Variants in UNC79 observed in about 807,000 individuals in gnomAD.
UNC79 encodes the protein protein unc-79 homolog.
Under a neutral mutation model 283.1 loss-of-function variants are expected in UNC79, and 37 were observed. That is an observed-to-expected ratio of 0.13 (90% CI 0.10 to 0.17). The LOEUF is 0.17. Among genes scored for constraint, UNC79 ranks in the 10% least tolerant of loss-of-function variants. UNC79 has a pLI of 1.00. For missense variants in UNC79, 2,272 were observed against 3,211.1 expected, an observed-to-expected ratio of 0.71 and a Z score of 7.07; for synonymous variants, 1,107 against 1,200.2, an observed-to-expected ratio of 0.92 and a Z score of 1.61.
intron 1 of UNC79, among the ~76,000 whole-genome samples, chr14:93,450,525 CT>C (rs770818516): frequency 1.8e-4 from 27 of 152,020 alleles, no homozygotes; most frequent in Non-Finnish European, 3.4e-4. Context: ...CTAAATACGC[CT>C]TTATTTTTGA....
At position 93,452,449 on chromosome 14, in the gene UNC79, C is replaced by T. The variant is rs112275834; in HGVS notation, c.23-15222C>T. Among the ~76,000 whole-genome samples the T allele has an allele frequency of 9.2e-3, 1,327 of 144,296 alleles. 18 individuals are homozygous for T. Among genetic ancestry groups the T allele is most frequent in the African/African-American group, 0.029 (1,092 of 37,674 alleles). 94.7% of individuals were successfully genotyped at this position (144,296 alleles called of 152,430 possible). A position where few individuals can be genotyped will look rare whatever the true frequency, so the allele number is the denominator to read the frequency against. ...AGGCTGGAGGGCTGGAGTGCAATGG[C>T]GCGATCTCGGCTCACAGCAACCTCC... On this transcript the variant is annotated intron_variant, in intron 1 of 48. Transcript: ENST00000555664.
chr14:93,446,778 A>G (rs771963623), intron 1 of UNC79, among the ~76,000 whole-genome samples: 19 of 152,208 alleles, frequency 1.2e-4, no homozygotes, highest in Non-Finnish European at 2.5e-4. Flanking sequence ...TATTTTTGTT[A>G]GAGAATATAT....
intron 12 of UNC79, among the ~76,000 whole-genome samples, chr14:93,539,896 C>T (rs1171889693): frequency 6.6e-6 from 1 of 152,210 alleles, no homozygotes; most frequent in Non-Finnish European, 1.5e-5. Context: ...CTAGCTATAA[C>T]TTACTTTTCT....
intron 1 of UNC79, among the ~76,000 whole-genome samples, chr14:93,398,726 A>G (rs972398244): frequency 2.6e-5 from 4 of 152,212 alleles, no homozygotes; most frequent in Admixed American, 6.5e-5. Flanking sequence ...GAAGGGTTTT[A>G]GAGAAGAAGA....
chr14:93,371,238 A>G (rs1044176664), intron 1 of UNC79, among the ~76,000 whole-genome samples: 9 of 151,660 alleles, frequency 5.9e-5, no homozygotes, highest in African/African-American at 2.2e-4. Flanking sequence ...AAATACCAAA[A>G]TTAGCTGGCA....
At position 93,424,996 on chromosome 14, in the gene UNC79, C is replaced by T. The variant is rs559743354; in HGVS notation, c.-350-42675C>T. Reference sequence around the variant, plus strand: ...ATAAATATATACACTTACTATGTATCTTCAAAAATTAAAAATTGAAACTAA... The same window carrying T: ...ATAAATATATACACTTACTATGTATTTTCAAAAATTAAAAATTGAAACTAA... On this transcript the variant is annotated intron_variant, in intron 1 of 49. Coordinates refer to the UNC79 transcript ENST00000256339. 7.2e-5 allele frequency among the ~76,000 whole-genome samples: 11 copies of T among 152,232 alleles called. No individual in the cohort carries two copies. The South Asian group carries it at 2.3e-3, about 32-fold the overall frequency.
intron 38 of UNC79, among the ~76,000 whole-genome samples, chr14:93,656,609 G>A (rs959297549): frequency 3.3e-5 from 5 of 152,140 alleles, no homozygotes; most frequent in East Asian, 3.9e-4. Flanking sequence ...AGCCATGATC[G>A]CACCACTGCA....
intron 28 of UNC79, 136 bp from the exon 30 acceptor site, chr14:93,618,056 G>T: frequency 2.1e-6 from 2 of 945,928 alleles, no homozygotes; most frequent in Admixed American, 3.2e-5. Context: ...AGCAGAATTT[G>T]TTTCTACTTC....
intron 40 of UNC79, among the ~76,000 whole-genome samples, chr14:93,668,152 C>G (rs930582379): frequency 6.6e-6 from 1 of 152,020 alleles, no homozygotes; most frequent in African/African-American, 2.4e-5. Context: ...AGGTCCCATT[C>G]AGTTCTGCAA....
At chr14:93,673,512 A>G in intron 41 of UNC79, 57 bp downstream of exon 44, 1 of 1,471,386 alleles carries the variant, frequency 6.8e-7, no homozygotes, top group Non-Finnish European at 9.4e-7. Flanking sequence ...GTTTGGGAAA[A>G]TTAAGGGAGG....
intron 1 of UNC79, among the ~76,000 whole-genome samples, chr14:93,380,722 A>C (rs977523214): frequency 2.0e-5 from 3 of 152,098 alleles, no homozygotes; most frequent in African/African-American, 7.2e-5. Context: ...TACTCAATCA[A>C]TATTTGTTGG....
intron 1 of UNC79, among the ~76,000 whole-genome samples, chr14:93,338,986 C>A (rs559219114): frequency 6.6e-6 from 1 of 152,286 alleles, no homozygotes; most frequent in South Asian, 2.1e-4. Context: ...ATTGGGCAGA[C>A]CCCTTAACCA....
At chr14:93,602,620 G>C (rs1249058806) in intron 25 of UNC79, among the ~76,000 whole-genome samples, 1 of 152,114 alleles carries the variant, frequency 6.6e-6, no homozygotes, top group African/African-American at 2.4e-5. Flanking sequence ...TTTAGAGTTG[G>C]TTTTCTAGCT....
chr14:93,473,922 C>T (rs1011416118), intron 2 of UNC79, among the ~76,000 whole-genome samples, 167 bp from the exon 3 acceptor site: 1 of 152,158 alleles, frequency 6.6e-6, no homozygotes, highest in African/African-American at 2.4e-5. Context: ...CCTCTGAGCA[C>T]GAAGCTATGT....
At chr14:93,348,615 C>T (rs1248131705) in intron 1 of UNC79, among the ~76,000 whole-genome samples, 1 of 150,052 alleles carries the variant, frequency 6.7e-6, no homozygotes, top group Non-Finnish European at 1.5e-5. Flanking sequence ...ATTTCTTTGC[C>T]TCTTTAAATG....
intron 12 of UNC79, among the ~76,000 whole-genome samples, chr14:93,539,285 G>C (rs2061254303): frequency 6.7e-6 from 1 of 149,794 alleles, no homozygotes; most frequent in South Asian, 2.2e-4. Context: ...CACTTTGAGA[G>C]ACCGAGGCGG....
chr14:93,376,719 A>G (rs763556946), intron 1 of UNC79, among the ~76,000 whole-genome samples: 13 of 152,046 alleles, frequency 8.6e-5, no homozygotes, highest in Non-Finnish European at 1.8e-4. Context: ...GTTTGGGTAT[A>G]GTGTGATAAA....
At chr14:93,591,784 G>T (rs1041300459) in intron 22 of UNC79, among the ~76,000 whole-genome samples, 2 of 152,178 alleles carry the variant, frequency 1.3e-5, no homozygotes, top group African/African-American at 2.4e-5. Flanking sequence ...TTACGGTATT[G>T]CACTAAACAC....
chr14:93,605,970 T>G (rs2065863422), intron 26 of UNC79, among the ~76,000 whole-genome samples: 1 of 149,304 alleles, frequency 6.7e-6, no homozygotes, highest in Admixed American at 6.7e-5. Context: ...TGTGCTGTGA[T>G]TTTTTTTAAA....
Sources: allele counts gnomAD v4.1 joint callset (sites outside exome capture counted in the v4.1 genomes callset), GRCh38; gene constraint gnomAD v4.1.1; transcripts MANE v1.5; gene names NCBI Gene and HGNC (gene_info 2026-07-23, HGNC 2026-07-21).